Variants in SDK2 observed in about 807,000 individuals in gnomAD.
The protein encoded by SDK2 is sidekick cell adhesion molecule 2.
Under a neutral mutation model 253.9 loss-of-function variants are expected in SDK2, and 105 were observed. The observed-to-expected ratio is 0.41, with a 90% CI of 0.35 to 0.49. The LOEUF (loss-of-function observed/expected upper bound fraction) is 0.49. Among genes scored for constraint, SDK2 ranks in the 20% least tolerant of loss-of-function variants. The probability of loss-of-function intolerance (pLI) is 0.06; values close to 1 mark genes in which losing one functional copy is unlikely to be tolerated. For missense variants in SDK2, 2,608 were observed against 3,003.0 expected, an observed-to-expected ratio of 0.87 and a Z score of 3.07; for synonymous variants, 1,249 against 1,234.9, an observed-to-expected ratio of 1.01 and a Z score of -0.24.
At chr17:73,368,781 G>A (rs954848708) in intron 36 of SDK2, among the ~76,000 whole-genome samples, 188 bp from the exon 37 acceptor site, 1 of 152,158 alleles carries the variant, frequency 6.6e-6, no homozygotes, top group Non-Finnish European at 1.5e-5. Flanking sequence ...AGGCAGAGGT[G>A]GGTGGATCAC....
At chr17:73,615,388 A>G (rs550153734) in intron 1 of SDK2, among the ~76,000 whole-genome samples, 1 of 152,200 alleles carries the variant, frequency 6.6e-6, no homozygotes, top group East Asian at 1.9e-4. Context: ...CCTCCTCACC[A>G]TAAGCCCTAG....
intron 5 of SDK2, among the ~76,000 whole-genome samples, chr17:73,446,526 C>T (rs1374989283): frequency 6.6e-6 from 1 of 152,178 alleles, no homozygotes; most frequent in Admixed American, 6.5e-5. Context: ...GTGAAAGGCC[C>T]TGGAATGGGG....
chr17:73,613,653 AC>A (rs1451265485), intron 1 of SDK2, among the ~76,000 whole-genome samples: 27 of 110,892 alleles, frequency 2.4e-4, no homozygotes, highest in African/African-American at 9.7e-4. Flanking sequence ...TGCTGGCCGG[AC>A]CCCTTTGTTG....
rs374007668 is a variant in SDK2 at position 73,480,360 on chromosome 17, C to G, written c.225-8142G>C. On this transcript the variant is annotated intron_variant, in intron 2 of 44. Coordinates refer to ENST00000392650, the MANE Select transcript of SDK2 (RefSeq NM_001144952.2). Reference sequence around the variant, plus strand: ...TAGACAGAGGCAGAGTATTTCTGGGCAGGGCCTAAATTTTGATCTAGGCCA... The same window carrying G: ...TAGACAGAGGCAGAGTATTTCTGGGGAGGGCCTAAATTTTGATCTAGGCCA... Among the ~76,000 whole-genome samples the G allele has an allele frequency of 8.5e-5, 13 of 152,290 alleles. No homozygotes were observed. In the East Asian group the frequency reaches 2.1e-3, roughly 25 times the overall value.
chr17:73,560,918 T>A (rs894537716), intron 1 of SDK2, among the ~76,000 whole-genome samples: 1 of 152,050 alleles, frequency 6.6e-6, no homozygotes, highest in African/African-American at 2.4e-5. Context: ...GGAGACAGGA[T>A]CCTCTTTGAG....
chr17:73,585,118 A>G (rs2045587218), intron 1 of SDK2, among the ~76,000 whole-genome samples: 1 of 152,218 alleles, frequency 6.6e-6, no homozygotes, highest in African/African-American at 2.4e-5. Context: ...TCAGACACCC[A>G]GCGGGGAAAG....
intron 15 of SDK2, among the ~76,000 whole-genome samples, chr17:73,419,648 T>C (rs932680564): frequency 2.1e-4 from 32 of 150,470 alleles, no homozygotes; most frequent in Admixed American, 1.4e-3. Flanking sequence ...GGCAAGAGGA[T>C]TGCTTGAGGG....
At chr17:73,355,195 T>A (rs1184680631) in intron 40 of SDK2, among the ~76,000 whole-genome samples, 1 of 125,190 alleles carries the variant, frequency 8.0e-6, no homozygotes, top group Non-Finnish European at 1.7e-5. Context: ...TTTTTTTTTT[T>A]AGACGGAGTC....
In SDK2 at chr17:73,447,725, A is replaced by G; in HGVS notation, c.503T>C (p.Leu168Pro). The stretch of plus-strand genomic sequence containing the variant: ...AGGGGCCACCGTTGACAGGATGACA[A>G]GGGTGTTCTCCAGCGTGATGGCTCT... Reference protein sequence around the residue: ...SRIAITLENTLVILSTVAPDA... With the variant: ...SRIAITLENTPVILSTVAPDA... Residue 168 changes from leucine to proline, a missense_variant, in exon 5 of 45, where the codon CTT (leucine) becomes CCT (proline). Leu to Pro is a moderately conservative substitution (Grantham distance 98). Transcript: ENST00000392650. The surrounding 1 kb of genome is among the most constrained non-coding windows in gnomAD (Gnocchi z 4.0). 1 of 1,551,706 alleles carries G rather than the reference A, an allele frequency of 6.4e-7. No homozygotes were observed. The highest frequency in any genetic ancestry group is 8.7e-7 in the Non-Finnish European group (1 of 1,146,990).
At chr17:73,508,561 C>G (rs1038773834) in intron 1 of SDK2, among the ~76,000 whole-genome samples, 4 of 152,252 alleles carry the variant, frequency 2.6e-5, no homozygotes, top group African/African-American at 9.6e-5. Flanking sequence ...TAACAATATC[C>G]ACAAAGATGA....
chr17:73,376,909 T>C (rs1001467970), intron 36 of SDK2, among the ~76,000 whole-genome samples: 8 of 150,630 alleles, frequency 5.3e-5, no homozygotes, highest in African/African-American at 2.0e-4. Context: ...ACTCTTATGC[T>C]GGATTCCATC....
intron 1 of SDK2, among the ~76,000 whole-genome samples, chr17:73,522,316 A>T (rs535855840): frequency 6.6e-6 from 1 of 152,196 alleles, no homozygotes; most frequent in South Asian, 2.1e-4. Flanking sequence ...TGCCCACCTC[A>T]TCCTGGCCTG....
At chr17:73,568,138 C>T (rs2045334321) in intron 1 of SDK2, among the ~76,000 whole-genome samples, 1 of 152,176 alleles carries the variant, frequency 6.6e-6, no homozygotes, top group South Asian at 2.1e-4. Flanking sequence ...TGTTGGGAGG[C>T]AGATCCCTTG....
At chr17:73,432,025 T>C (rs111864336) in intron 10 of SDK2, among the ~76,000 whole-genome samples, 4 of 151,658 alleles carry the variant, frequency 2.6e-5, no homozygotes, top group Admixed American at 2.0e-4. Context: ...GCACCCGGGT[T>C]GGGGGAGCTG....
At chr17:73,359,612 C>T (rs907011089) in intron 39 of SDK2, among the ~76,000 whole-genome samples, 2 of 152,152 alleles carry the variant, frequency 1.3e-5, no homozygotes, top group Non-Finnish European at 2.9e-5. Context: ...GCCTGCAGAC[C>T]GCCCCCTGCA....
intron 1 of SDK2, among the ~76,000 whole-genome samples, chr17:73,626,449 C>T (rs1192191004): frequency 6.6e-6 from 1 of 152,200 alleles, no homozygotes; most frequent in Non-Finnish European, 1.5e-5. Flanking sequence ...AAGCCAAGTC[C>T]TTCACTTTGA....
At position 73,361,715 on chromosome 17, in the gene SDK2, G is replaced by A. The variant is rs377212719; in HGVS notation, c.5436C>T (p.Ile1812=). 8.1e-6 allele frequency: 13 copies of A among 1,612,500 alleles called. No individual in the cohort carries two copies. Among genetic ancestry groups the A allele is most frequent in the Middle Eastern group, 1.7e-4 (1 of 6,056 alleles). Residue 1812 remains isoleucine (I), a synonymous_variant, in exon 39 of 45, where the codon ATC becomes ATT. Coordinates refer to ENST00000392650, the MANE Select transcript of SDK2 (RefSeq NM_001144952.2). The surrounding 1 kb of genome is among the most constrained non-coding windows in gnomAD (Gnocchi z 4.1). ...RAKTFTYGPE[I]EANVTTGPGE... is the part of the protein sequence containing the mutation. ...CGGGGCCCGTGGTGACGTTGGCTTC[G>A]ATCTCCGGCCCGTAGGTGAAGGTCT...
At chr17:73,528,538 G>A (rs569683107) in intron 1 of SDK2, among the ~76,000 whole-genome samples, 110 of 152,238 alleles carry the variant, frequency 7.2e-4, no homozygotes, top group African/African-American at 2.4e-3. Context: ...ACTTGGGGCC[G>A]GTCAAGTCCT....
chr17:73,484,500 A>G (rs2063758144), intron 2 of SDK2, among the ~76,000 whole-genome samples: 1 of 152,204 alleles, frequency 6.6e-6, no homozygotes, highest in Non-Finnish European at 1.5e-5. Flanking sequence ...GGGTTCCCTG[A>G]TGCGAGAGGC....
Sources: gnomAD v4.1 joint callset for allele counts (sites outside exome capture counted in the v4.1 genomes callset) on GRCh38, gnomAD v4.1.1 for gene constraint, Gnocchi (gnomAD v3.1) non-coding constraint, MANE v1.5 for transcripts, NCBI Gene and HGNC (gene_info 2026-07-23, HGNC 2026-07-21) for gene names.